The following NFRKB variants were observed in gnomAD, a reference collection of about 807,000 sequenced individuals.
NFRKB encodes the protein nuclear factor related to kappa-B-binding protein.
NFRKB carries 62 observed loss-of-function variants against 135.7 expected under a neutral mutation model. That is an observed-to-expected ratio of 0.46 (90% CI 0.37 to 0.56). NFRKB has a LOEUF of 0.56. Ranked by LOEUF, NFRKB falls within the 20% of genes least tolerant of loss-of-function variation. The pLI, the probability that NFRKB is intolerant of heterozygous loss-of-function variation, is 0.00. For missense variants in NFRKB, 1,545 were observed against 1,662.0 expected, an observed-to-expected ratio of 0.93 and a Z score of 1.22; for synonymous variants, 678 against 635.6, an observed-to-expected ratio of 1.07 and a Z score of -1.00.
intron 24 of NFRKB, among the ~76,000 whole-genome samples, chr11:129,868,751 G>A (rs11221887): frequency 0.34 from 51,243 of 152,084 alleles, 9,835 homozygotes; most frequent in East Asian, 0.46. Flanking sequence ...TAAAGCGGCC[G>A]TGGGCGGTGA....
At position 129,864,371 on chromosome 11, in the gene NFRKB, G is replaced by C. The variant is rs79973469; in HGVS notation, c.*354C>G. On this transcript the variant is annotated 3_prime_UTR_variant, in exon 27 of 27. Coordinates refer to ENST00000682444, the MANE Select transcript of NFRKB (RefSeq NM_001143835.2). ...GAAGCCAAAAAATACAATCCTCATGGAGAACCAGCCTATTCGCTGTGTGCA... is the reference window on the plus strand; with the variant it reads ...GAAGCCAAAAAATACAATCCTCATGCAGAACCAGCCTATTCGCTGTGTGCA... 3 of 205,648 alleles carry C rather than the reference G, an allele frequency of 1.5e-5. No individual in the cohort carries two copies. Among genetic ancestry groups the C allele is most frequent in the East Asian group, 2.3e-4 (2 of 8,624 alleles). The allele number at this position is 205,648 out of a possible 1,614,324, so 12.7% of individuals were successfully genotyped here.
At chr11:129,868,095 G>A (rs1406318575) in intron 24 of NFRKB, among the ~76,000 whole-genome samples, 3 of 152,042 alleles carry the variant, frequency 2.0e-5, no homozygotes, top group Non-Finnish European at 2.9e-5. Context: ...TAAAGGAAAT[G>A]CTGATAGATC....
rs114087667 is a variant in NFRKB, at chr11:129,877,222, T to C, written c.1572+103A>G. ...CCAACAGAAGGTCTAAGGGGAAAGGTATGAGTTTCTTGCAAGAAGGTAGAT... is the reference window on the plus strand; with the variant it reads ...CCAACAGAAGGTCTAAGGGGAAAGGCATGAGTTTCTTGCAAGAAGGTAGAT... On this transcript the variant is annotated intron_variant, in intron 16 of 26. Transcript: ENST00000682444. The C allele has an allele frequency of 1.0e-3, 1,181 of 1,168,488 alleles. 10 individuals carry two copies. In the African/African-American group the frequency reaches 0.016, roughly 16 times the overall value. 72.4% of individuals were successfully genotyped at this position (1,168,488 alleles called of 1,614,324 possible).
chr11:129,875,954 G>T (rs138755573), intron 17 of NFRKB, among the ~76,000 whole-genome samples: 143 of 152,248 alleles, frequency 9.4e-4, no homozygotes, highest in African/African-American at 3.4e-3. Context: ...ATCGCATCCA[G>T]CCCTTACACA....
At position 129,873,728 on chromosome 11, in the gene NFRKB, A is replaced by C; in HGVS notation, c.2550+17T>G. 6.2e-7 allele frequency: 1 copy of C among 1,605,584 alleles called. No individual in the cohort carries two copies. Among genetic ancestry groups the C allele is most frequent in the Non-Finnish European group, 8.5e-7 (1 of 1,172,898 alleles). On this transcript the variant is annotated intron_variant, in intron 22 of 26. Transcript: ENST00000682444. ...TCTGCATCTCTGCTTCCCAATGACCACGGCTTCCCTGTTTACCTGGGGCAC... is the reference window on the plus strand; with the variant it reads ...TCTGCATCTCTGCTTCCCAATGACCCCGGCTTCCCTGTTTACCTGGGGCAC...
chr11:129,874,925 C>G lies in NFRKB; in HGVS notation c.1855-9G>C, dbSNP rs1449065938. The G allele has an allele frequency of 6.2e-7, 1 of 1,614,010 alleles. No homozygotes were observed. The highest frequency in any genetic ancestry group is 8.5e-7 in the Non-Finnish European group (1 of 1,179,958). ...CTCACTACTGTATTTACCTACAAATCAGACAAAGGGAAATAAGAAACAAGT... is the reference window on the plus strand; with the variant it reads ...CTCACTACTGTATTTACCTACAAATGAGACAAAGGGAAATAAGAAACAAGT... On this transcript the variant is annotated splice_polypyrimidine_tract_variant and intron_variant, in intron 18 of 26. Coordinates refer to ENST00000682444, the MANE Select transcript of NFRKB (RefSeq NM_001143835.2). This position sits in a 1 kb window ranked among gnomAD's most constrained non-coding sequence, Gnocchi z 4.5.
Position 129,864,564 on chromosome 11 carries a change from G to T in NFRKB, c.*161C>A. ...CTCAGGGTGCTCCACTATGGCACGT[G>T]GCAGCAGAATCCAGGCCACGAATCC... On this transcript the variant is annotated 3_prime_UTR_variant, in exon 27 of 27. Transcript: ENST00000682444. 2.2e-6 allele frequency: 2 copies of T among 923,736 alleles called. No homozygotes were observed. Among genetic ancestry groups the T allele is most frequent in the Non-Finnish European group, 3.2e-6 (2 of 615,692 alleles). The allele number at this position is 923,736 out of a possible 1,614,324, so 57.2% of individuals were successfully genotyped here. A position where few individuals can be genotyped will look rare whatever the true frequency, so the allele number is the denominator to read the frequency against.
chr11:129,878,930 T>C (rs1011763012), intron 13 of NFRKB, among the ~76,000 whole-genome samples: 25 of 152,338 alleles, frequency 1.6e-4, no homozygotes, highest in Admixed American at 2.6e-4. Flanking sequence ...TATACCAAGG[T>C]AATTATTCTA....
At position 129,882,440 on chromosome 11, in the gene NFRKB, TGCTC is replaced by T. The variant is rs376884291; in HGVS notation, c.1082+7_1082+10del. 32 of 1,611,826 alleles carry T rather than the reference TGCTC, an allele frequency of 2.0e-5. No homozygotes were observed. In the African/African-American group the frequency reaches 3.9e-4, roughly 19 times the overall value. ...ACCCTGAGAATTACAGAATCTCTGT[TGCTC>T]ACTTACTCTTCCTTGATAGCAGGAA... On this transcript the variant is annotated splice_region_variant and intron_variant, in intron 10 of 26. Coordinates refer to ENST00000682444, the MANE Select transcript of NFRKB (RefSeq NM_001143835.2).
Position 129,874,431 on chromosome 11 carries a change from G to A in NFRKB, c.2058+70C>T. On this transcript the variant is annotated intron_variant, in intron 20 of 26. Transcript: ENST00000682444. The surrounding 1 kb of genome is among the most constrained non-coding windows in gnomAD (Gnocchi z 4.5). ...TCCTGATGCCCCACACCAAGTGAAA[G>A]CCGAGCAGCCACTCTTAGTTGCCTC... 1 of 1,561,964 alleles carries A rather than the reference G, an allele frequency of 6.4e-7. No homozygotes were observed. Among genetic ancestry groups the A allele is most frequent in the Non-Finnish European group, 8.7e-7 (1 of 1,155,122 alleles).
Position 129,895,520 on chromosome 11 carries a change from A to T in NFRKB, c.-126T>A, listed in dbSNP as rs970775831. The T allele has an allele frequency of 3.9e-5, 6 of 152,174 alleles. No individual in the cohort carries two copies. The highest frequency in any genetic ancestry group is 1.4e-4 in the African/African-American group (6 of 41,398). 9.4% of individuals were successfully genotyped at this position (152,174 alleles called of 1,614,324 possible). On this transcript the variant is annotated 5_prime_UTR_variant, in exon 1 of 27. Transcript: ENST00000682444. ...CCTGAACCGCGGGCGCCGGCCCCCT[A>T]ACCCGCAGCCCTTCTCCGGCCGCGG...
intron 6 of NFRKB, 150 bp from the exon 7 acceptor site, chr11:129,884,996 C>T: frequency 8.8e-7 from 1 of 1,130,412 alleles, no homozygotes. Flanking sequence ...CCCAGAGGAG[C>T]TGGAGCACAC....
chr11:129,876,293 A>C (rs1948762951), intron 17 of NFRKB, among the ~76,000 whole-genome samples: 1 of 152,224 alleles, frequency 6.6e-6, no homozygotes, highest in Non-Finnish European at 1.5e-5. Flanking sequence ...ACATTTTGAT[A>C]ACTACTTCAA....
At chr11:129,879,332 T>C (rs147214155) in intron 13 of NFRKB, among the ~76,000 whole-genome samples, 105 of 152,292 alleles carry the variant, frequency 6.9e-4, no homozygotes, top group African/African-American at 2.4e-3. Flanking sequence ...AAACGCTTAT[T>C]ATCTGGCCCT....
Position 129,864,956 on chromosome 11 carries a change from T to C in NFRKB, c.3774+10A>G. 6.2e-7 allele frequency: 1 copy of C among 1,613,096 alleles called. No individual in the cohort carries two copies. ...GCCGGATATGGCCAAGAATTTGCCC[T>C]GGGCCTTACCTGTGTGGCCTGACCT... is the stretch of plus-strand genomic sequence containing the variant. On this transcript the variant is annotated intron_variant, in intron 26 of 26. Coordinates refer to ENST00000682444, the MANE Select transcript of NFRKB (RefSeq NM_001143835.2).
intron 25 of NFRKB, among the ~76,000 whole-genome samples, chr11:129,865,625 T>A (rs931773551): frequency 6.6e-6 from 1 of 152,222 alleles, no homozygotes; most frequent in African/African-American, 2.4e-5. Flanking sequence ...ACCACGCATG[T>A]TGCTTTTTTA....
chr11:129,878,047 C>T (rs1400390414), intron 15 of NFRKB, among the ~76,000 whole-genome samples: 1 of 152,114 alleles, frequency 6.6e-6, no homozygotes, highest in Non-Finnish European at 1.5e-5. Flanking sequence ...GAGGAGTACA[C>T]ATTAAAAAAG....
Position 129,894,563 on chromosome 11 carries a change from C to T in NFRKB, c.-101-125G>A, listed in dbSNP as rs1411823215. ...AACTATATGTAAAATGAAGCATGTT[C>T]CACTAAATTATTTCAAGCTCCCTTG... On this transcript the variant is annotated intron_variant, in intron 1 of 26. Coordinates refer to ENST00000682444, the MANE Select transcript of NFRKB (RefSeq NM_001143835.2). The T allele has an allele frequency of 4.6e-5, 7 of 152,296 alleles. No homozygotes were observed. The East Asian group carries it at 1.3e-3, about 29-fold the overall frequency. The allele number at this position is 152,296 out of a possible 1,614,324, so 9.4% of individuals were successfully genotyped here.
At position 129,874,307 on chromosome 11, in the gene NFRKB, T is replaced by C. The variant is rs1370936208; in HGVS notation, c.2085A>G (p.Ile695Met). 1 of 1,517,636 alleles carries C rather than the reference T, an allele frequency of 6.6e-7. No homozygotes were observed. The highest frequency in any genetic ancestry group is 2.3e-5 in the Admixed American group (1 of 43,822). 94.0% of individuals were successfully genotyped at this position (1,517,636 alleles called of 1,614,324 possible). Residue 695 changes from isoleucine (I) to methionine (M), a missense_variant, in exon 21 of 27, where the codon ATA (isoleucine) becomes ATG (methionine). Ile to Met is a conservative substitution (Grantham distance 10, BLOSUM62 1). This residue lies in a region of NFRKB where 753 missense variants were observed against 804.3 expected (regional missense o/e 0.94). Coordinates refer to ENST00000682444, the MANE Select transcript of NFRKB (RefSeq NM_001143835.2). This position sits in a 1 kb window ranked among gnomAD's most constrained non-coding sequence, Gnocchi z 4.5. ...CAGAAGGGCCACTGCTAAGGACCTT[T>C]ATGGAGCTCTCCTTGCTACTGGACT... ...KVKSSSKESS[I>M]KVLSSGPSEQ...
Sources: gnomAD v4.1 joint callset for allele counts (sites outside exome capture counted in the v4.1 genomes callset) on GRCh38, gnomAD v4.1.1 for gene constraint, gnomAD v4.1.1 regional missense constraint, Gnocchi (gnomAD v3.1) non-coding constraint, MANE v1.5 for transcripts, NCBI Gene and HGNC (gene_info 2026-07-23, HGNC 2026-07-21) for gene names.